The following PITPNM2 variants were observed in gnomAD, a reference collection of about 807,000 sequenced individuals.
The protein encoded by PITPNM2 is phosphatidylinositol transfer protein membrane associated 2.
Under a neutral mutation model 132.2 loss-of-function variants are expected in PITPNM2, and 35 were observed. The ratio of observed to expected loss-of-function variants is 0.26; its 90% CI spans 0.20 to 0.35. The LOEUF is 0.35. PITPNM2 is among the 10% of genes least tolerant of loss of function. PITPNM2 has a pLI of 1.00. For synonymous variants in PITPNM2, 738 were observed against 799.2 expected, an observed-to-expected ratio of 0.92 and a Z score of 1.29; for missense variants, 1,332 against 1,912.0, an observed-to-expected ratio of 0.70 and a Z score of 5.66.
Position 122,988,330 on chromosome 12 carries a change from G to A in PITPNM2, c.2901C>T (p.Ser967=), listed in dbSNP as rs759993504. 6.8e-6 allele frequency: 11 copies of A among 1,613,382 alleles called. No individual in the cohort carries two copies. The South Asian group carries it at 9.9e-5, about 14-fold the overall frequency. ...LLRQVMRHDN[S]SILELDGKEV... Reference sequence around the variant, plus strand: ...CCTTGCCATCCAGCTCCAAGATGCTGGAGTTGTCATGCCTCATGACCTGGG... The same window carrying A: ...CCTTGCCATCCAGCTCCAAGATGCTAGAGTTGTCATGCCTCATGACCTGGG... The change falls in exon 20 of 26, where the codon TCC becomes TCT. Residue 967 remains serine (S), a synonymous_variant. Transcript: ENST00000320201.
At chr12:123,094,765 AG>A (rs1361718550) in intron 2 of PITPNM2, among the ~76,000 whole-genome samples, 4 of 152,286 alleles carry the variant, frequency 2.6e-5, no homozygotes, top group African/African-American at 9.6e-5. Flanking sequence ...GGCCGAGGGC[AG>A]GGAAGGCCAG....
chr12:122,998,081 C>T (rs965726091), intron 10 of PITPNM2, among the ~76,000 whole-genome samples: 4 of 152,154 alleles, frequency 2.6e-5, no homozygotes, highest in Non-Finnish European at 4.4e-5. Context: ...TGGCTGGGGT[C>T]AGGGCATCCA....
intron 1 of PITPNM2, among the ~76,000 whole-genome samples, chr12:123,121,476 T>C (rs11061616): frequency 0.011 from 1,684 of 152,360 alleles, 37 homozygotes; most frequent in South Asian, 0.063. Flanking sequence ...CAGTGAATTA[T>C]ACCTTTTTTT....
At position 123,096,160 on chromosome 12, in the gene PITPNM2, A is replaced by G. The variant is rs1253933199; in HGVS notation, c.-96+14225T>C. Reference sequence around the variant, plus strand: ...ATACATTGGGAATTGGGACAGGGGGACAGACCCCTCCTTTGAGGGACTAGC... The same window carrying G: ...ATACATTGGGAATTGGGACAGGGGGGCAGACCCCTCCTTTGAGGGACTAGC... On this transcript the variant is annotated intron_variant, in intron 2 of 25. Transcript: ENST00000320201. 2.0e-5 allele frequency among the ~76,000 whole-genome samples: 3 copies of G among 152,200 alleles called. No individual in the cohort carries two copies. In the East Asian group the frequency reaches 5.8e-4, roughly 29 times the overall value.
rs1434488156 is a variant in PITPNM2 at position 122,990,722 on chromosome 12, A to G, written c.2405-13T>C. On this transcript the variant is annotated splice_polypyrimidine_tract_variant and intron_variant, in intron 16 of 25. Transcript: ENST00000320201. ...TGGAGCACATCCGCTGCAGGTGGACAGGGACCAGAGGCCAGGTAAGAGAGG... is the reference window on the plus strand; with the variant it reads ...TGGAGCACATCCGCTGCAGGTGGACGGGGACCAGAGGCCAGGTAAGAGAGG... 2.5e-6 allele frequency: 4 copies of G among 1,591,294 alleles called. No individual in the cohort carries two copies. Among genetic ancestry groups the G allele is most frequent in the South Asian group, 1.1e-5 (1 of 87,184 alleles).
At chr12:123,130,889 AG>A (rs1481367511) in intron 1 of PITPNM2, among the ~76,000 whole-genome samples, 1 of 152,190 alleles carries the variant, frequency 6.6e-6, no homozygotes, top group Non-Finnish European at 1.5e-5. Context: ...GGAGGTGGCC[AG>A]GGTGCTAAGC....
At chr12:123,135,881 T>C (rs534200832) in intron 1 of PITPNM2, among the ~76,000 whole-genome samples, 1 of 152,374 alleles carries the variant, frequency 6.6e-6, no homozygotes, top group African/African-American at 2.4e-5. Context: ...TTCTTTTTCA[T>C]GGCTGAATAA....
At chr12:123,014,493 C>G (rs1329666245) in intron 3 of PITPNM2, among the ~76,000 whole-genome samples, 1 of 152,210 alleles carries the variant, frequency 6.6e-6, no homozygotes, top group African/African-American at 2.4e-5. Flanking sequence ...CACTTGAGGT[C>G]AGGAGTTTGA....
chr12:123,000,850 T>A lies in PITPNM2; in HGVS notation c.1154-2A>T. The A allele has an allele frequency of 6.2e-7, 1 of 1,614,032 alleles. No individual in the cohort carries two copies. ...GGGCACCCTGGCGGTACAGACCATC[T>A]GCAAAGACACAGAAGCCGTGCTGTG... On this transcript the variant is annotated splice_acceptor_variant, in intron 9 of 25. Coordinates refer to ENST00000320201, the MANE Select transcript of PITPNM2 (RefSeq NM_020845.3). LOFTEE classifies it high-confidence loss of function. The surrounding 1 kb of genome is among the most constrained non-coding windows in gnomAD (Gnocchi z 5.4).
intron 2 of PITPNM2, among the ~76,000 whole-genome samples, chr12:123,059,104 A>G (rs192232787): frequency 2.6e-5 from 4 of 152,214 alleles, no homozygotes; most frequent in Admixed American, 1.3e-4. Flanking sequence ...GCATCTAGGC[A>G]GGGAGAGAAC....
In PITPNM2 at chr12:122,992,706, G is replaced by C; in HGVS notation, c.2234-37C>G. 6.7e-7 allele frequency: 1 copy of C among 1,497,026 alleles called. No homozygotes were observed. Among genetic ancestry groups the C allele is most frequent in the Admixed American group, 2.2e-5 (1 of 45,960 alleles). The allele number at this position is 1,497,026 out of a possible 1,614,324, so 92.7% of individuals were successfully genotyped here. The stretch of plus-strand genomic sequence containing the variant: ...GGTGTTGGCTGCAGAGCTGGGGCTG[G>C]CCCTGAGGAGCAGTGGTGGGGGTGG... On this transcript the variant is annotated intron_variant, in intron 15 of 25. Transcript: ENST00000320201. The surrounding 1 kb of genome is among the most constrained non-coding windows in gnomAD (Gnocchi z 6.5).
At chr12:123,145,805 G>A (rs1027138759) in intron 1 of PITPNM2, among the ~76,000 whole-genome samples, 1 of 152,272 alleles carries the variant, frequency 6.6e-6, no homozygotes, top group African/African-American at 2.4e-5. Flanking sequence ...ATAGCAAGAC[G>A]TCGTCTCTAC....
rs1187207202 is a variant in PITPNM2 at position 123,111,538 on chromosome 12, GGA to G, written c.-199-1052_-199-1051del. 1.3e-5 allele frequency among the ~76,000 whole-genome samples: 2 copies of G among 152,266 alleles called. No individual in the cohort carries two copies. Among genetic ancestry groups the G allele is most frequent in the East Asian group, 3.8e-4 (2 of 5,202 alleles). On this transcript the variant is annotated intron_variant, in intron 1 of 25. Transcript: ENST00000320201. The surrounding 1 kb of genome is among the most constrained non-coding windows in gnomAD (Gnocchi z 4.1). Reference sequence around the variant, plus strand: ...CCAAGTGAACGGCCAGACAGAGGAGGGAGAGTGGAATTGGGGAGGTGTGAAGA... The same window carrying G: ...CCAAGTGAACGGCCAGACAGAGGAGGGAGTGGAATTGGGGAGGTGTGAAGA...
chr12:123,007,458 C>A (rs758453769), intron 6 of PITPNM2: 1 of 455,318 alleles, frequency 2.2e-6, no homozygotes, highest in Non-Finnish European at 4.4e-6. Flanking sequence ...GGCATGTACC[C>A]CCGCCTCCCC....
At position 122,995,618 on chromosome 12, in the gene PITPNM2, G is replaced by C. The variant is rs1171623100; in HGVS notation, c.1825C>G (p.His609Asp). 1.2e-6 allele frequency: 2 copies of C among 1,604,212 alleles called. No individual in the cohort carries two copies. Among genetic ancestry groups the C allele is most frequent in the Non-Finnish European group, 1.7e-6 (2 of 1,179,156 alleles). The change falls in exon 14 of 26, where the codon CAC becomes GAC. Residue 609 changes from histidine (H) to aspartate (D), a missense_variant. His to Asp is a moderately conservative substitution (Grantham distance 81). This residue lies in a region of PITPNM2 where 710 missense variants were observed against 911.5 expected (regional missense o/e 0.78). Transcript: ENST00000320201. ...CCGCCACCGCCACCACCGCAGCAGT[G>C]TGCTGCATTCATCAGGATGCCCGGG... ...LSPGILMNAA[H>D]CCGGGGGGGG...
At position 122,994,770 on chromosome 12, in the gene PITPNM2, A is replaced by ACCC; in HGVS notation, c.2233+28_2233+30dup. 1 of 1,591,926 alleles carries ACCC rather than the reference A, an allele frequency of 6.3e-7. No homozygotes were observed. Among genetic ancestry groups the ACCC allele is most frequent in the South Asian group, 1.1e-5 (1 of 88,566 alleles). On this transcript the variant is annotated intron_variant, in intron 15 of 25. Coordinates refer to ENST00000320201, the MANE Select transcript of PITPNM2 (RefSeq NM_020845.3). The surrounding 1 kb of genome is among the most constrained non-coding windows in gnomAD (Gnocchi z 5.4). ...CCCCGCCCCCGCACCCAGTGCATGTACCCCCCATCCTGCCCCTGCTGGGCT... is the reference window on the plus strand; with the variant it reads ...CCCCGCCCCCGCACCCAGTGCATGTACCCCCCCCCATCCTGCCCCTGCTGGGCT...
At position 122,984,164 on chromosome 12, in the gene PITPNM2, AG is replaced by A. The variant is rs1412242344; in HGVS notation, c.*1862del. On this transcript the variant is annotated 3_prime_UTR_variant, in exon 26 of 26. Transcript: ENST00000320201. ...GGCGGGGAGTGAGGAGCCGTGGGGG[AG>A]CTGCCCCCCTGGGGAGAGGCTGAGC... is the stretch of plus-strand genomic sequence containing the variant. The A allele has an allele frequency of 6.6e-6, 1 of 152,644 alleles. No homozygotes were observed. Among genetic ancestry groups the A allele is most frequent in the East Asian group, 1.9e-4 (1 of 5,180 alleles). The allele number at this position is 152,644 out of a possible 1,614,324, so 9.5% of individuals were successfully genotyped here. A position where few individuals can be genotyped will look rare whatever the true frequency, so the allele number is the denominator to read the frequency against.
chr12:123,151,650 C>G (rs1339504621), upstream of PITPNM2, among the ~76,000 whole-genome samples: 1 of 152,070 alleles, frequency 6.6e-6, no homozygotes, highest in Non-Finnish European at 1.5e-5. Flanking sequence ...CAGGGAGTAG[C>G]TGGAAGAGGA....
intron 2 of PITPNM2, among the ~76,000 whole-genome samples, 174 bp downstream of exon 2, chr12:123,110,211 C>G (rs1349671390): frequency 1.3e-5 from 2 of 152,150 alleles, no homozygotes; most frequent in Non-Finnish European, 2.9e-5. Context: ...GCCTTAGCCT[C>G]CCAAAGTGCT....
Sources: gnomAD v4.1 joint callset for allele counts (sites outside exome capture counted in the v4.1 genomes callset) on GRCh38, gnomAD v4.1.1 for gene constraint, gnomAD v4.1.1 regional missense constraint, Gnocchi (gnomAD v3.1) non-coding constraint, MANE v1.5 for transcripts, NCBI Gene and HGNC (gene_info 2026-07-23, HGNC 2026-07-21) for gene names.